ACSM3: variants seen among roughly 807,000 people sequenced by gnomAD.
ACSM3 encodes acyl-coenzyme A synthetase ACSM3, mitochondrial.
ACSM3 carries 61 observed loss-of-function variants against 74.1 expected under a neutral mutation model. The observed-to-expected ratio is 0.82, with a 90% CI of 0.67 to 1.02. ACSM3 has a LOEUF of 1.02. Ranked by LOEUF, ACSM3 falls within the 50% of genes least tolerant of loss-of-function variation. The pLI, the probability that ACSM3 is intolerant of heterozygous loss-of-function variation, is 0.00. For missense variants in ACSM3, 660 were observed against 697.0 expected (o/e 0.95, Z 0.60); for synonymous variants, 213 against 241.5 (o/e 0.88, Z 1.09).
intron 1 of ACSM3, chr16:20,681,670 T>C (rs1296389668): frequency 1.3e-5 from 2 of 153,180 alleles, no homozygotes; most frequent in African/African-American, 2.4e-5. Flanking sequence ...AGGTGGCAAA[T>C]AGTGGTGCTT....
chr16:20,778,573 G>A (rs1038557405), intron 4 of ACSM3, among the ~76,000 whole-genome samples: 2 of 152,152 alleles, frequency 1.3e-5, no homozygotes, highest in Non-Finnish European at 2.9e-5. Flanking sequence ...TTACACAGCT[G>A]AATAAGGTCA....
intron 12 of ACSM3, among the ~76,000 whole-genome samples, chr16:20,795,267 C>T (rs1441181727): frequency 2.0e-5 from 3 of 152,300 alleles, no homozygotes; most frequent in South Asian, 4.1e-4. Context: ...GCAATCCTCC[C>T]ACCTCGGCCT....
chr16:20,729,091 GA>G, intron 1 of ACSM3: 2 of 433,638 alleles, frequency 4.6e-6, no homozygotes, highest in Non-Finnish European at 8.6e-6. Flanking sequence ...ATGGGCAACA[GA>G]AAGAGACTCT....
At chr16:20,760,327 G>A (rs2080067109), upstream of ACSM3, among the ~76,000 whole-genome samples, 1 of 152,130 alleles carries the variant, frequency 6.6e-6, no homozygotes, top group Non-Finnish European at 1.5e-5. Context: ...AGACTGGAGA[G>A]ACTGAAAAAG....
chr16:20,767,045 T>C (rs2080133663), intron 1 of ACSM3, among the ~76,000 whole-genome samples: 1 of 152,266 alleles, frequency 6.6e-6, no homozygotes, highest in South Asian at 2.1e-4. Context: ...TATTTTTTTT[T>C]CCCTCTGTAC....
At chr16:20,743,012 C>T (rs1482806231) in intron 1 of ACSM3, among the ~76,000 whole-genome samples, 1 of 147,370 alleles carries the variant, frequency 6.8e-6, no homozygotes, top group Non-Finnish European at 1.5e-5. Context: ...GCGATCTGGG[C>T]TCACTGCAAG....
intron 1 of ACSM3, among the ~76,000 whole-genome samples, chr16:20,678,044 G>A (rs139485022): frequency 0.016 from 1,125 of 70,514 alleles, 19 homozygotes; most frequent in African/African-American, 0.098. Flanking sequence ...ATAAATAAAT[G>A]AGACAAAGAG....
chr16:20,674,754 A>C (rs1216546991), exon 1 of ACSM3: 6 of 152,266 alleles, frequency 3.9e-5, no homozygotes, highest in Non-Finnish European at 2.9e-5. Context: ...CTCTCCCCGC[A>C]TCCTGCCCAG....
Position 20,797,199 on chromosome 16 carries a change from A to G in ACSM3, c.*227A>G. On this transcript the variant is annotated 3_prime_UTR_variant, in exon 14 of 14. Coordinates refer to ENST00000289416, the MANE Select transcript of ACSM3 (RefSeq NM_005622.4). ...CCTATCATTTCTTAATATAAAAATA[A>G]TACCATCAATTGCTGATTAATTTTT... 1 of 1,248,142 alleles carries G rather than the reference A, an allele frequency of 8.0e-7. No individual in the cohort carries two copies. Among genetic ancestry groups the G allele is most frequent in the Non-Finnish European group, 1.0e-6 (1 of 995,516 alleles). 77.3% of individuals were successfully genotyped at this position (1,248,142 alleles called of 1,614,324 possible).
intron 1 of ACSM3, among the ~76,000 whole-genome samples, chr16:20,701,446 T>C (rs895016863): frequency 6.6e-6 from 1 of 152,188 alleles, no homozygotes; most frequent in East Asian, 1.9e-4. Flanking sequence ...ATGTCTACCA[T>C]ACAGCAAGTG....
intron 1 of ACSM3, chr16:20,741,481 G>GGCT: frequency 7.6e-7 from 1 of 1,308,414 alleles, no homozygotes; most frequent in Non-Finnish European, 9.9e-7. Flanking sequence ...CTGGCAGCCG[G>GGCT]CCCGCCCGCC....
rs532796838 is a variant in ACSM3, at chr16:20,706,833, G to C, written c.-190+32011G>C. Among the ~76,000 whole-genome samples, 8 of 152,214 alleles carry C rather than the reference G, an allele frequency of 5.3e-5. No individual in the cohort carries two copies. The South Asian group carries it at 1.5e-3, about 28-fold the overall frequency. On this transcript the variant is annotated intron_variant, in intron 1 of 3. Coordinates refer to the ACSM3 transcript ENST00000561584. Reference sequence around the variant, plus strand: ...CCATCTCAGCTGCAGTAAGCAATCAGTCCTGCTTGCATAAGGACCCAGAGA... The same window carrying C: ...CCATCTCAGCTGCAGTAAGCAATCACTCCTGCTTGCATAAGGACCCAGAGA...
At chr16:20,713,393 A>G (rs62033286) in intron 1 of ACSM3, among the ~76,000 whole-genome samples, 20,368 of 152,180 alleles carry the variant, frequency 0.13, 1,754 homozygotes, top group South Asian at 0.26. Flanking sequence ...ATACTTTTTA[A>G]CATACCCCCC....
At chr16:20,710,857 G>T (rs764411725) in intron 1 of ACSM3, among the ~76,000 whole-genome samples, 1 of 152,138 alleles carries the variant, frequency 6.6e-6, no homozygotes, top group Non-Finnish European at 1.5e-5. Flanking sequence ...GGCCTAGGCA[G>T]GTGGGTCACC....
At chr16:20,707,340 A>G (rs1411480558) in intron 1 of ACSM3, among the ~76,000 whole-genome samples, 1 of 152,208 alleles carries the variant, frequency 6.6e-6, no homozygotes, top group Non-Finnish European at 1.5e-5. Flanking sequence ...ACCTTGAAGC[A>G]GCCCTGCAAC....
At chr16:20,770,639 C>G (rs1236462023) in intron 2 of ACSM3, among the ~76,000 whole-genome samples, 1 of 151,994 alleles carries the variant, frequency 6.6e-6, no homozygotes, top group African/African-American at 2.4e-5. Flanking sequence ...AGAATTCTCA[C>G]TTATTGGAAA....
At chr16:20,781,559 C>A in intron 6 of ACSM3, 149 bp from the exon 7 acceptor site, 1 of 712,198 alleles carries the variant, frequency 1.4e-6, no homozygotes, top group South Asian at 1.6e-5. Flanking sequence ...ACCAATCCTG[C>A]AGACACTGAG....
At chr16:20,696,898 G>T (rs1213014134) in intron 1 of ACSM3, among the ~76,000 whole-genome samples, 3 of 152,160 alleles carry the variant, frequency 2.0e-5, no homozygotes, top group Non-Finnish European at 2.9e-5. Context: ...TAGCAGCTGG[G>T]TCTTTGGTGC....
At chr16:20,711,795 T>C in intron 1 of ACSM3, 1 of 338,744 alleles carries the variant, frequency 3.0e-6, no homozygotes, top group Non-Finnish European at 5.8e-6. Context: ...TCTGGGCTCC[T>C]ACTCGGAAAA....
Sources: allele counts gnomAD v4.1 joint callset (sites outside exome capture counted in the v4.1 genomes callset), GRCh38; gene constraint gnomAD v4.1.1; transcripts MANE v1.5; gene names NCBI Gene and HGNC (gene_info 2026-07-23, HGNC 2026-07-21).